INPP5A: variants seen among roughly 807,000 people sequenced by gnomAD.
The protein encoded by INPP5A is inositol polyphosphate-5-phosphatase A.
INPP5A carries 14 observed loss-of-function variants against 65.2 expected under a neutral mutation model. The ratio of observed to expected loss-of-function variants is 0.21; its 90% CI spans 0.14 to 0.34. The LOEUF (loss-of-function observed/expected upper bound fraction) is 0.34, where lower values mean the gene tolerates loss of function less well. Ranked by LOEUF, INPP5A falls within the 10% of genes least tolerant of loss-of-function variation. The probability of loss-of-function intolerance (pLI) is 1.00; values close to 1 mark genes in which losing one functional copy is unlikely to be tolerated. For missense variants in INPP5A, 431 were observed against 545.6 expected (o/e 0.79, Z 2.09); for synonymous variants, 207 against 208.3 (o/e 0.99, Z 0.05).
intron 8 of INPP5A, among the ~76,000 whole-genome samples, chr10:132,712,519 T>TG (rs554329169): frequency 1.4e-5 from 2 of 146,026 alleles, no homozygotes; most frequent in Non-Finnish European, 3.0e-5. Context: ...TGCAGGGGTG[T>TG]GGGGGTTGCA....
chr10:132,586,714 G>T (rs2071549817), intron 1 of INPP5A, among the ~76,000 whole-genome samples: 2 of 152,238 alleles, frequency 1.3e-5, no homozygotes, highest in African/African-American at 4.8e-5. Context: ...ACTCTTCTGT[G>T]CTTCCCTCCC....
intron 1 of INPP5A, among the ~76,000 whole-genome samples, chr10:132,554,749 G>GTCCA: frequency 6.6e-6 from 1 of 151,166 alleles, no homozygotes; most frequent in Admixed American, 6.6e-5. Context: ...GGCATGATTG[G>GTCCA]TGTGGGTGGC....
rs544089251 is a variant in INPP5A, at chr10:132,678,555, G to A, written c.307-11837G>A. 2.6e-5 allele frequency among the ~76,000 whole-genome samples: 4 copies of A among 152,244 alleles called. No individual in the cohort carries two copies. Among genetic ancestry groups the A allele is most frequent in the African/African-American group, 9.6e-5 (4 of 41,536 alleles). Reference sequence around the variant, plus strand: ...ACCTGAGCTGAGGGTTCTGTCCAGCGGTCCTGAGCTGCTGCTGCTCAGCCG... The same window carrying A: ...ACCTGAGCTGAGGGTTCTGTCCAGCAGTCCTGAGCTGCTGCTGCTCAGCCG... On this transcript the variant is annotated intron_variant, in intron 4 of 15. Transcript: ENST00000368594. This position sits in a 1 kb window ranked among gnomAD's most constrained non-coding sequence, Gnocchi z 4.1.
intron 5 of INPP5A, among the ~76,000 whole-genome samples, chr10:132,694,172 CAG>C (rs1184629784): frequency 1.3e-5 from 2 of 152,216 alleles, no homozygotes; most frequent in African/African-American, 2.4e-5. Flanking sequence ...AAACCATATA[CAG>C]CATGCTCATA....
Position 132,627,265 on chromosome 10 carries a change from G to A in INPP5A, c.118-18603G>A, listed in dbSNP as rs1223744450. On this transcript the variant is annotated intron_variant, in intron 2 of 15. Coordinates refer to ENST00000368594, the MANE Select transcript of INPP5A (RefSeq NM_005539.5). This position sits in a 1 kb window ranked among gnomAD's most constrained non-coding sequence, Gnocchi z 6.6. ...GGCATTTTGTGATGGAGCCTCTGCCGACCGAGGGAGGGGCTGAGGGTGGAC... is the reference window on the plus strand; with the variant it reads ...GGCATTTTGTGATGGAGCCTCTGCCAACCGAGGGAGGGGCTGAGGGTGGAC... Among the ~76,000 whole-genome samples, 1 of 151,824 alleles carries A rather than the reference G, an allele frequency of 6.6e-6. No homozygotes were observed. The highest frequency in any genetic ancestry group is 1.9e-4 in the East Asian group (1 of 5,194).
At chr10:132,564,693 G>A (rs1005729279) in intron 1 of INPP5A, among the ~76,000 whole-genome samples, 5 of 152,254 alleles carry the variant, frequency 3.3e-5, no homozygotes, top group East Asian at 1.9e-4. Context: ...CAGGGCAGAC[G>A]GGAGTGTGCA....
intron 6 of INPP5A, among the ~76,000 whole-genome samples, chr10:132,700,915 T>C (rs375310750): frequency 6.6e-6 from 1 of 152,164 alleles, no homozygotes; most frequent in South Asian, 2.1e-4. Context: ...CTCCAGATAA[T>C]GTGAGGCCAT....
chr10:132,656,488 T>TC (rs1030339020), intron 4 of INPP5A, among the ~76,000 whole-genome samples: 20 of 151,722 alleles, frequency 1.3e-4, no homozygotes, highest in African/African-American at 4.8e-4. Flanking sequence ...CCTCGGAGGG[T>TC]CCCCCCTGCT....
At chr10:132,761,814 A>G (rs1383336467) in intron 11 of INPP5A, among the ~76,000 whole-genome samples, 3 of 152,254 alleles carry the variant, frequency 2.0e-5, no homozygotes, top group Non-Finnish European at 2.9e-5. Flanking sequence ...TTCCACAGAT[A>G]GCAAGAGTCC....
At chr10:132,541,446 G>A (rs1348966438) in intron 1 of INPP5A, among the ~76,000 whole-genome samples, 2 of 152,220 alleles carry the variant, frequency 1.3e-5, no homozygotes, top group Non-Finnish European at 2.9e-5. Context: ...CCCCACTGGG[G>A]TTGTGTCTGA....
At chr10:132,739,159 CTG>C (rs572478555) in intron 9 of INPP5A, among the ~76,000 whole-genome samples, 16 of 152,372 alleles carry the variant, frequency 1.1e-4, no homozygotes, top group African/African-American at 3.4e-4. Flanking sequence ...TGGTCATTCT[CTG>C]TGTTCGGTGC....
At chr10:132,556,277 G>A (rs905598034) in intron 1 of INPP5A, among the ~76,000 whole-genome samples, 2 of 152,152 alleles carry the variant, frequency 1.3e-5, no homozygotes, top group African/African-American at 4.8e-5. Context: ...TCCACCGAGT[G>A]AACACACCAG....
chr10:132,765,752 T>C (rs1846830681), intron 11 of INPP5A, 21 bp from the exon 12 acceptor site: 1 of 1,525,218 alleles, frequency 6.6e-7, no homozygotes, highest in South Asian at 1.1e-5. Flanking sequence ...GACTTTATTT[T>C]CTGCTCTTTC....
chr10:132,653,492 C>T (rs2072608532), intron 4 of INPP5A, among the ~76,000 whole-genome samples: 1 of 152,162 alleles, frequency 6.6e-6, no homozygotes, highest in East Asian at 1.9e-4. Flanking sequence ...GTTGTTCTCC[C>T]TTCTTTCCAG....
Position 132,712,392 on chromosome 10 carries a change from T to C in INPP5A, c.647+1936T>C, listed in dbSNP as rs1845655124. Among the ~76,000 whole-genome samples, 4 of 151,926 alleles carry C rather than the reference T, an allele frequency of 2.6e-5. No homozygotes were observed. The South Asian group carries it at 8.3e-4, about 32-fold the overall frequency. The stretch of plus-strand genomic sequence containing the variant: ...GTGCATGTGTGTGGATGCTTGTGTG[T>C]GCATGTGTGGGTGCACGAGTGCATA... On this transcript the variant is annotated intron_variant, in intron 8 of 15. Coordinates refer to ENST00000368594, the MANE Select transcript of INPP5A (RefSeq NM_005539.5).
intron 11 of INPP5A, among the ~76,000 whole-genome samples, chr10:132,754,912 TAGG>T (rs1348444960): frequency 2.0e-5 from 3 of 151,976 alleles, no homozygotes; most frequent in Non-Finnish European, 2.9e-5. Context: ...TGTGAGCCTG[TAGG>T]AGTATGCATG....
intron 11 of INPP5A, among the ~76,000 whole-genome samples, chr10:132,761,234 T>C (rs1439640131): frequency 6.6e-6 from 1 of 152,240 alleles, no homozygotes; most frequent in African/African-American, 2.4e-5. Flanking sequence ...TTTCAAGTTT[T>C]ACTGGAGTGT....
chr10:132,708,280 C>T, intron 6 of INPP5A, 33 bp from the exon 7 acceptor site: 1 of 1,610,424 alleles, frequency 6.2e-7, no homozygotes. Flanking sequence ...CTCACTTACT[C>T]TGGCTCATTT....
chr10:132,593,567 G>A (rs555936865), intron 1 of INPP5A, among the ~76,000 whole-genome samples: 4 of 152,208 alleles, frequency 2.6e-5, no homozygotes, highest in South Asian at 2.1e-4. Context: ...TTTCACTTTC[G>A]AAGGATGATT....
Sources: allele counts gnomAD v4.1 joint callset (sites outside exome capture counted in the v4.1 genomes callset), GRCh38; gene constraint gnomAD v4.1.1; non-coding constraint Gnocchi (gnomAD v3.1); transcripts MANE v1.5; gene names NCBI Gene and HGNC (gene_info 2026-07-23, HGNC 2026-07-21).